The following NEDD4L variants were observed in gnomAD, a reference collection of about 807,000 sequenced individuals.
The protein encoded by NEDD4L is NEDD4 like E3 ubiquitin protein ligase, also known as E3 ubiquitin-protein ligase NEDD4-like.
A neutral mutation model predicts 148.9 loss-of-function variants in NEDD4L; 54 were observed. The ratio of observed to expected loss-of-function variants is 0.36; its 90% confidence interval spans 0.29 to 0.45. The LOEUF is 0.45. Among genes scored for constraint, NEDD4L ranks in the 20% least tolerant of loss-of-function variants. NEDD4L has a pLI of 1.00. For missense variants in NEDD4L, 856 were observed against 1,233.8 expected (o/e 0.69, Z 4.59); for synonymous variants, 433 against 440.7 (o/e 0.98, Z 0.22).
chr18:58,232,079 C>G (rs17064503), intron 2 of NEDD4L, among the ~76,000 whole-genome samples: 2,142 of 152,258 alleles, frequency 0.014, 50 homozygotes, highest in African/African-American at 0.048. Flanking sequence ...TTTTTCTCCA[C>G]GGTCACAGGG....
At chr18:58,157,170 A>G (rs2035602963) in intron 1 of NEDD4L, among the ~76,000 whole-genome samples, 1 of 149,336 alleles carries the variant, frequency 6.7e-6, no homozygotes, top group Non-Finnish European at 1.5e-5. Flanking sequence ...CCGGGGCAAC[A>G]GCTAGACCTT....
At chr18:58,192,561 A>G (rs2040226421) in intron 2 of NEDD4L, among the ~76,000 whole-genome samples, 1 of 152,168 alleles carries the variant, frequency 6.6e-6, no homozygotes, top group Non-Finnish European at 1.5e-5. Context: ...TCAACAGTTT[A>G]CCACTCACTT....
chr18:58,066,387 G>GTTTTTTTTTTTTTTT (rs368243667), intron 1 of NEDD4L, among the ~76,000 whole-genome samples: 1 of 112,126 alleles, frequency 8.9e-6, no homozygotes, highest in African/African-American at 3.0e-5. Context: ...CTCTGTATTA[G>GTTTTTTTTTTTTTTT]TTTTTTTTTT....
Position 58,362,109 on chromosome 18 carries a change from T to A in NEDD4L, c.1768-2159T>A, listed in dbSNP as rs76720733. Among the ~76,000 whole-genome samples the A allele has an allele frequency of 8.0e-4, 122 of 152,342 alleles. 3 individuals are homozygous for A. In the East Asian group the frequency reaches 0.022, roughly 27 times the overall value. ...CCCAGAAGGAGAAAGGCTTGAAATA[T>A]CTCAACATTTCCGCCCACACCTCCT... On this transcript the variant is annotated intron_variant, in intron 19 of 30. Coordinates refer to ENST00000400345, the MANE Select transcript of NEDD4L (RefSeq NM_001144967.3).
chr18:58,259,316 C>G (rs933769108), intron 5 of NEDD4L, among the ~76,000 whole-genome samples: 1 of 152,098 alleles, frequency 6.6e-6, no homozygotes, highest in East Asian at 1.9e-4. Flanking sequence ...AGAATTCATT[C>G]GTATAGTCAT....
chr18:58,090,243 AT>A (rs2083996779), intron 1 of NEDD4L, among the ~76,000 whole-genome samples: 1 of 151,938 alleles, frequency 6.6e-6, no homozygotes, highest in African/African-American at 2.4e-5. Flanking sequence ...TTGGGAATGG[AT>A]TTGTTGAAAC....
rs148561504 is a variant in NEDD4L at position 58,242,893 on chromosome 18, T to C, written c.123-2534T>C. Among the ~76,000 whole-genome samples the C allele has an allele frequency of 4.5e-3, 688 of 152,310 alleles. 2 individuals carry two copies. The highest frequency in any genetic ancestry group is 0.014 in the African/African-American group (600 of 41,568). On this transcript the variant is annotated intron_variant, in intron 2 of 30. Transcript: ENST00000400345. ...GTTCTCTCTTCAGGCTGAACTCTCTTTCAGGGAGTTTCCTAATCGATCTTC... is the reference window on the plus strand; with the variant it reads ...GTTCTCTCTTCAGGCTGAACTCTCTCTCAGGGAGTTTCCTAATCGATCTTC...
chr18:58,400,650 G>A lies in NEDD4L; in HGVS notation c.*4381G>A, dbSNP rs909571498. On this transcript the variant is annotated 3_prime_UTR_variant, in exon 31 of 31. Transcript: ENST00000400345. ...GTTTCAAAGGCACGTCTTTCCGTTC[G>A]TTGGTTTTCTGTGTGTAAGGAGTAG... 2 of 152,198 alleles carry A rather than the reference G, an allele frequency of 1.3e-5. No individual in the cohort carries two copies. Among genetic ancestry groups the A allele is most frequent in the South Asian group, 2.1e-4 (1 of 4,832 alleles). 9.4% of individuals were successfully genotyped at this position (152,198 alleles called of 1,614,324 possible).
intron 16 of NEDD4L, among the ~76,000 whole-genome samples, chr18:58,343,818 C>T (rs1251421848): frequency 1.3e-5 from 2 of 152,124 alleles, no homozygotes; most frequent in African/African-American, 4.8e-5. Flanking sequence ...TTTCTTTAGC[C>T]GAATCGGTGG....
At chr18:58,360,760 G>GTA (rs1245075483) in intron 19 of NEDD4L, among the ~76,000 whole-genome samples, 1 of 151,904 alleles carries the variant, frequency 6.6e-6, no homozygotes, top group African/African-American at 2.4e-5. Flanking sequence ...GTGTGTGTGT[G>GTA]TGTGTGTGTG....
chr18:58,253,431 A>G (rs1043853017), intron 5 of NEDD4L, among the ~76,000 whole-genome samples: 1 of 152,230 alleles, frequency 6.6e-6, no homozygotes, highest in African/African-American at 2.4e-5. Context: ...ATGTTGGGTG[A>G]TGAACAGTCG....
At chr18:58,194,418 G>T (rs956962111) in intron 2 of NEDD4L, among the ~76,000 whole-genome samples, 1 of 152,188 alleles carries the variant, frequency 6.6e-6, no homozygotes, top group African/African-American at 2.4e-5. Flanking sequence ...AATTCCCATT[G>T]TAAGAAATAA....
rs143515614 is a variant in NEDD4L, at chr18:58,165,421, T to G, written c.49-367T>G. 4.4e-3 allele frequency among the ~76,000 whole-genome samples: 672 copies of G among 152,344 alleles called. 8 individuals carry two copies. Among genetic ancestry groups the G allele is most frequent in the African/African-American group, 0.016 (647 of 41,566 alleles). Reference sequence around the variant, plus strand: ...TGTCAACTTCAAAGGAGGAATTATTTGTTATATTTATGCAAACTTGTGGCA... The same window carrying G: ...TGTCAACTTCAAAGGAGGAATTATTGGTTATATTTATGCAAACTTGTGGCA... On this transcript the variant is annotated intron_variant, in intron 1 of 30. Transcript: ENST00000400345.
intron 2 of NEDD4L, among the ~76,000 whole-genome samples, chr18:58,175,706 T>A (rs1438480751): frequency 6.6e-6 from 1 of 152,274 alleles, no homozygotes. Flanking sequence ...TTGTTCTAGC[T>A]GTATTCCTTC....
Position 58,226,984 on chromosome 18 carries a change from T to C in NEDD4L, c.123-18443T>C, listed in dbSNP as rs139580443. 2.0e-3 allele frequency among the ~76,000 whole-genome samples: 298 copies of C among 152,324 alleles called. 1 individual carries two copies. The highest frequency in any genetic ancestry group is 6.7e-3 in the African/African-American group (277 of 41,560). ...GAGTCTGCCTCTCCAGTGAACGATA[T>C]TAATTTCCTTCAAGTGGCTACTCAC... is the stretch of plus-strand genomic sequence containing the variant. On this transcript the variant is annotated intron_variant, in intron 2 of 30. Transcript: ENST00000400345.
At chr18:58,152,357 G>T (rs1371206527) in intron 1 of NEDD4L, among the ~76,000 whole-genome samples, 1 of 152,158 alleles carries the variant, frequency 6.6e-6, no homozygotes, top group Non-Finnish European at 1.5e-5. Context: ...AATATTCAGA[G>T]CTTGCAAGCT....
rs118155274 is a variant in NEDD4L, at chr18:58,376,956, T to C, written c.2352+3687T>C. 7.8e-3 allele frequency among the ~76,000 whole-genome samples: 1,194 copies of C among 152,364 alleles called. 8 individuals are homozygous for C. The highest frequency in any genetic ancestry group is 0.013 in the Non-Finnish European group (913 of 68,040). On this transcript the variant is annotated intron_variant, in intron 24 of 30. Coordinates refer to ENST00000400345, the MANE Select transcript of NEDD4L (RefSeq NM_001144967.3). ...CTCCCAGTCTCAGTTCAGGTGTCCCTTCATCAGGGAAGCCAGCCCTTGACC... is the reference window on the plus strand; with the variant it reads ...CTCCCAGTCTCAGTTCAGGTGTCCCCTCATCAGGGAAGCCAGCCCTTGACC...
intron 1 of NEDD4L, among the ~76,000 whole-genome samples, chr18:58,109,127 G>A (rs2085255922): frequency 6.6e-6 from 1 of 152,204 alleles, no homozygotes; most frequent in African/African-American, 2.4e-5. Context: ...ATTGAAGTCT[G>A]AGAACCAGCC....
chr18:58,383,212 G>T (rs2048573592), intron 24 of NEDD4L, 34 bp from the exon 25 acceptor site: 1 of 1,079,208 alleles, frequency 9.3e-7, no homozygotes, highest in Non-Finnish European at 1.4e-6. Flanking sequence ...ATAACTTCGT[G>T]ATAGTAATTG....
Sources: gnomAD v4.1 joint callset for allele counts (sites outside exome capture counted in the v4.1 genomes callset) on GRCh38, gnomAD v4.1.1 for gene constraint, MANE v1.5 for transcripts, NCBI Gene and HGNC (gene_info 2026-07-23, HGNC 2026-07-21) for gene names.